ZC4H2: variants seen among roughly 807,000 people sequenced by gnomAD.
ZC4H2 encodes the protein zinc finger C4H2-type containing, also known as zinc finger C4H2 domain-containing protein.
For missense variants in ZC4H2, 137 were observed against 173.9 expected, an observed-to-expected ratio of 0.79 and a Z score of 1.19; for synonymous variants, 84 against 66.3, an observed-to-expected ratio of 1.27 and a Z score of -1.30.
At chrX:64,968,601 A>G (rs1931671423) in intron 1 of ZC4H2, among the ~76,000 whole-genome samples, 2 of 111,588 alleles carry the variant, frequency 1.8e-5, no homozygotes, top group Non-Finnish European at 3.8e-5. Flanking sequence ...ATCATTAAAG[A>G]TGCAATTTTA....
intron 1 of ZC4H2, among the ~76,000 whole-genome samples, chrX:64,948,449 T>C (rs1272927027): frequency 8.9e-6 from 1 of 111,886 alleles, no homozygotes; most frequent in African/African-American, 3.2e-5. Flanking sequence ...GTAGGAAAAA[T>C]CATTGGCTAA....
chrX:64,944,519 T>G (rs776438739), intron 1 of ZC4H2, among the ~76,000 whole-genome samples: 5 of 111,590 alleles, frequency 4.5e-5, no homozygotes, highest in Non-Finnish European at 7.5e-5. Context: ...CATTTTTTCC[T>G]TTGTTTCAAC....
chrX:65,010,677 T>C (rs1932743988), intron 1 of ZC4H2, among the ~76,000 whole-genome samples: 1 of 112,027 alleles, frequency 8.9e-6, no homozygotes, highest in Non-Finnish European at 1.9e-5. Context: ...AGACTGAGTA[T>C]GTCAGTAAGA....
At chrX:65,017,609 A>T (rs896418993) in intron 1 of ZC4H2, among the ~76,000 whole-genome samples, 1 of 111,998 alleles carries the variant, frequency 8.9e-6, no homozygotes. Context: ...AGGAGGTTTC[A>T]CCAGATTCCT....
chrX:64,928,577 C>T (rs889787023), intron 1 of ZC4H2, among the ~76,000 whole-genome samples: 3 of 110,206 alleles, frequency 2.7e-5, no homozygotes, highest in African/African-American at 9.9e-5. Flanking sequence ...TGATTATTAG[C>T]CATTTCTATA....
intron 1 of ZC4H2, among the ~76,000 whole-genome samples, chrX:64,953,509 A>G (rs1303823207): frequency 8.9e-6 from 1 of 112,445 alleles, no homozygotes; most frequent in Non-Finnish European, 1.9e-5. Context: ...CAAGTGGGTG[A>G]AGGATATGAA....
chrX:64,919,989 TATG>T, intron 3 of ZC4H2, 89 bp downstream of exon 3: 1 of 963,882 alleles, frequency 1.0e-6, no homozygotes, highest in East Asian at 3.4e-5. Flanking sequence ...AGGCTTTGTG[TATG>T]TATACCTGCC....
chrX:65,030,700 C>T (rs1932925501), intron 1 of ZC4H2, among the ~76,000 whole-genome samples: 2 of 111,094 alleles, frequency 1.8e-5, no homozygotes, highest in Non-Finnish European at 3.8e-5. Flanking sequence ...CCTTGTGAGC[C>T]TTCTTCTCAA....
intron 1 of ZC4H2, among the ~76,000 whole-genome samples, chrX:65,024,202 T>C (rs778079600): frequency 1.8e-5 from 2 of 110,418 alleles, no homozygotes; most frequent in Non-Finnish European, 3.8e-5. Context: ...GGCATGTGTA[T>C]ACCTATGTAA....
At chrX:64,958,617 C>T (rs897590713) in intron 1 of ZC4H2, among the ~76,000 whole-genome samples, 4 of 111,302 alleles carry the variant, frequency 3.6e-5, no homozygotes, top group African/African-American at 1.3e-4. Flanking sequence ...AAGTGAATAG[C>T]CTTGTACCTG....
chrX:65,019,568 C>T (rs971926326), intron 1 of ZC4H2, among the ~76,000 whole-genome samples: 2 of 112,349 alleles, frequency 1.8e-5, no homozygotes, highest in African/African-American at 6.5e-5. Flanking sequence ...GATAAATCCA[C>T]GAAGATGGGG....
chrX:64,941,720 G>A (rs1930290172), intron 1 of ZC4H2, among the ~76,000 whole-genome samples: 1 of 112,105 alleles, frequency 8.9e-6, no homozygotes, highest in Non-Finnish European at 1.9e-5. Context: ...TGTTGAACTA[G>A]CCTTGCATCC....
At chrX:64,951,894 G>T (rs1449711219) in intron 1 of ZC4H2, among the ~76,000 whole-genome samples, 4 of 111,425 alleles carry the variant, frequency 3.6e-5, no homozygotes. Context: ...GTCCTGAATG[G>T]TAATGCCTAG....
At chrX:64,944,988 T>A (rs760998988) in intron 1 of ZC4H2, among the ~76,000 whole-genome samples, 2 of 112,686 alleles carry the variant, frequency 1.8e-5, no homozygotes, top group East Asian at 5.6e-4. Context: ...TCAACTTTTA[T>A]AAAATTTCTT....
At chrX:65,002,367 C>T (rs1299333180) in intron 1 of ZC4H2, among the ~76,000 whole-genome samples, 1 of 108,083 alleles carries the variant, frequency 9.3e-6, no homozygotes, top group Non-Finnish European at 2.0e-5. Flanking sequence ...TCAGCCCCCG[C>T]CCGGCCAGCC....
At chrX:64,990,263 A>G (rs968368443) in intron 1 of ZC4H2, among the ~76,000 whole-genome samples, 16 of 112,046 alleles carry the variant, frequency 1.4e-4, no homozygotes, top group African/African-American at 3.6e-4. Flanking sequence ...AAAAATGTCA[A>G]TCCCTAAAGG....
At chrX:64,961,945 G>A (rs190281338) in intron 1 of ZC4H2, among the ~76,000 whole-genome samples, 5 of 111,433 alleles carry the variant, frequency 4.5e-5, no homozygotes, top group Middle Eastern at 4.7e-3. Flanking sequence ...CAAAGAAAAG[G>A]CCAGGACCAG....
intron 1 of ZC4H2, among the ~76,000 whole-genome samples, chrX:65,026,419 G>C (rs1433400399): frequency 8.9e-6 from 1 of 111,782 alleles, no homozygotes; most frequent in East Asian, 2.8e-4. Flanking sequence ...AGCAACGAAA[G>C]GAATTTAGCG....
chrX:65,020,258 A>G (rs951305896), intron 1 of ZC4H2, among the ~76,000 whole-genome samples: 14 of 111,762 alleles, frequency 1.3e-4, no homozygotes, highest in Non-Finnish European at 2.3e-4. Context: ...GGTTGAAATG[A>G]AAGAAAAAAT....
Sources: allele counts gnomAD v4.1 joint callset (sites outside exome capture counted in the v4.1 genomes callset), GRCh38; gene constraint gnomAD v4.1.1; transcripts MANE v1.5; gene names NCBI Gene and HGNC (gene_info 2026-07-23, HGNC 2026-07-21).